The following DDX23 variants were observed in gnomAD, a reference collection of about 807,000 sequenced individuals.
The protein encoded by DDX23 is probable ATP-dependent RNA helicase DDX23.
In DDX23, 33 loss-of-function variants were observed where a neutral mutation model predicts 102.7. The observed-to-expected ratio is 0.32, with a 90% CI of 0.24 to 0.43. The LOEUF is 0.43. Ranked by LOEUF, DDX23 falls within the 20% of genes least tolerant of loss-of-function variation. The pLI is 1.00. For missense variants in DDX23, 549 were observed against 1,086.6 expected, an observed-to-expected ratio of 0.51 and a Z score of 6.96; for synonymous variants, 352 against 376.0, an observed-to-expected ratio of 0.94 and a Z score of 0.74.
At chr12:48,844,156 A>G in intron 2 of DDX23, 106 bp from the exon 3 acceptor site, 1 of 1,016,924 alleles carries the variant, frequency 9.8e-7, no homozygotes, top group African/African-American at 1.6e-5. Context: ...AATGTTTTAC[A>G]AATTAGAGAA....
chr12:48,832,642 C>T lies in DDX23; in HGVS notation c.1804-69G>A, dbSNP rs1053545378. 1.1e-5 allele frequency: 17 copies of T among 1,562,316 alleles called. No homozygotes were observed. In the African/African-American group the frequency reaches 2.2e-4, roughly 20 times the overall value. ...TCATATATCCCACTGTCACCGAAGG[C>T]AGGTCAGCCCAGACTAAAGAATCTA... On this transcript the variant is annotated intron_variant, in intron 13 of 16. Transcript: ENST00000308025. The surrounding 1 kb of genome is among the most constrained non-coding windows in gnomAD (Gnocchi z 4.4).
chr12:48,833,463 C>G lies in DDX23; in HGVS notation c.1617G>C (p.Val539=), dbSNP rs1397353883. Residue 539 remains valine, a synonymous_variant, in exon 13 of 17, where the codon GTG becomes GTC. Coordinates refer to ENST00000308025, the MANE Select transcript of DDX23 (RefSeq NM_004818.3). ...LIDVLENRYL[V]LSRCTYVVLD... The stretch of plus-strand genomic sequence containing the variant: ...GAACCACATAGGTACAGCGGCTCAG[C>G]ACCAGGTAGCGGTTCTCCAGCACAT... 4.3e-6 allele frequency: 7 copies of G among 1,614,172 alleles called. No individual in the cohort carries two copies. Among genetic ancestry groups the G allele is most frequent in the South Asian group, 1.1e-5 (1 of 91,082 alleles).
chr12:48,842,848 A>C (rs1565678443), intron 3 of DDX23, among the ~76,000 whole-genome samples: 1 of 152,198 alleles, frequency 6.6e-6, no homozygotes, highest in Non-Finnish European at 1.5e-5. Context: ...GGTTTTGTGG[A>C]ATAGAAAGGC....
chr12:48,842,166 A>AAGT (rs1565678093), intron 3 of DDX23, among the ~76,000 whole-genome samples: 12 of 148,442 alleles, frequency 8.1e-5, no homozygotes, highest in Non-Finnish European at 1.0e-4. Flanking sequence ...CCCGTCCGGG[A>AAGT]GGGAGGTGGG....
Position 48,830,713 on chromosome 12 carries a change from C to A in DDX23, c.2240-21G>T. The A allele has an allele frequency of 1.3e-6, 2 of 1,585,782 alleles. No individual in the cohort carries two copies. Among genetic ancestry groups the A allele is most frequent in the Middle Eastern group, 1.7e-4 (1 of 5,922 alleles). ...GTAATCTGGGGAATGGGAAGAACGT[C>A]ACTCAGCATAGCCCAGATGCCCTGG... On this transcript the variant is annotated intron_variant, in intron 16 of 16. Coordinates refer to ENST00000308025, the MANE Select transcript of DDX23 (RefSeq NM_004818.3). The surrounding 1 kb of genome is among the most constrained non-coding windows in gnomAD (Gnocchi z 4.9).
chr12:48,849,045 C>T (rs1362108706), intron 1 of DDX23, among the ~76,000 whole-genome samples: 1 of 151,990 alleles, frequency 6.6e-6, no homozygotes, highest in Non-Finnish European at 1.5e-5. Context: ...CCACCATGCC[C>T]GGCCCCAACT....
chr12:48,834,246 T>C, intron 12 of DDX23, 74 bp downstream of exon 12: 1 of 1,440,048 alleles, frequency 6.9e-7, no homozygotes, highest in Non-Finnish European at 9.5e-7. Context: ...TGCACATATA[T>C]TCCAGAAACT....
At chr12:48,851,494 G>GA (rs1200528346) in intron 1 of DDX23, among the ~76,000 whole-genome samples, 2 of 151,424 alleles carry the variant, frequency 1.3e-5, no homozygotes, top group Non-Finnish European at 3.0e-5. Flanking sequence ...GAAAAGAAAA[G>GA]AAAAAAAAGA....
intron 1 of DDX23, 25 bp from the exon 2 acceptor site, chr12:48,845,807 A>T (rs770002144): frequency 6.2e-7 from 1 of 1,610,028 alleles, no homozygotes; most frequent in Non-Finnish European, 8.5e-7. Flanking sequence ...AAGAGTACTT[A>T]CAATGTACTA....
chr12:48,834,112 A>G (rs1938430363), intron 12 of DDX23, among the ~76,000 whole-genome samples: 1 of 152,198 alleles, frequency 6.6e-6, no homozygotes, highest in Admixed American at 6.5e-5. Context: ...TACCACTCTC[A>G]TACATTATTG....
At chr12:48,833,654 G>A (rs529421162) in intron 12 of DDX23, 135 bp from the exon 13 acceptor site, 3 of 1,125,616 alleles carry the variant, frequency 2.7e-6, no homozygotes, top group East Asian at 4.8e-5. Flanking sequence ...ATGTTTAGCA[G>A]TAAAGGCTCC....
chr12:48,849,978 G>A (rs906530460), intron 1 of DDX23, among the ~76,000 whole-genome samples: 3 of 152,218 alleles, frequency 2.0e-5, no homozygotes, highest in Admixed American at 6.5e-5. Context: ...AGCTGGGCAG[G>A]AGTCAGATAA....
At chr12:48,834,135 A>G (rs1938430802) in intron 12 of DDX23, among the ~76,000 whole-genome samples, 185 bp downstream of exon 12, 1 of 152,194 alleles carries the variant, frequency 6.6e-6, no homozygotes, top group Admixed American at 6.5e-5. Context: ...AGAATTAATG[A>G]GCTAATATAT....
At chr12:48,844,901 C>G (rs1370974343) in intron 2 of DDX23, among the ~76,000 whole-genome samples, 1 of 147,382 alleles carries the variant, frequency 6.8e-6, no homozygotes, top group African/African-American at 2.5e-5. Context: ...GCCCGTAATC[C>G]CAGCACTTTG....
chr12:48,835,562 T>C (rs1458945208), intron 11 of DDX23, among the ~76,000 whole-genome samples: 1 of 151,958 alleles, frequency 6.6e-6, no homozygotes, highest in African/African-American at 2.4e-5. Flanking sequence ...ACAAAAAAAT[T>C]AGCCGGGCAT....
chr12:48,834,133 T>C (rs1378060793), intron 12 of DDX23, among the ~76,000 whole-genome samples, 187 bp downstream of exon 12: 1 of 152,214 alleles, frequency 6.6e-6, no homozygotes, highest in Non-Finnish European at 1.5e-5. Flanking sequence ...TGAGAATTAA[T>C]GAGCTAATAT....
At position 48,851,578 on chromosome 12, in the gene DDX23, G is replaced by A. The variant is rs79020083; in HGVS notation, c.-1+506C>T. On this transcript the variant is annotated intron_variant, in intron 1 of 16. Coordinates refer to ENST00000308025, the MANE Select transcript of DDX23 (RefSeq NM_004818.3). ...TGTAGTAATACAGGTGTTCAAAGGC[G>A]TTTCCTTTCACTTGTAAAAGGTGAT... 4.6e-5 allele frequency among the ~76,000 whole-genome samples: 7 copies of A among 152,338 alleles called. No homozygotes were observed. In the East Asian group the frequency reaches 1.3e-3, roughly 29 times the overall value.
intron 5 of DDX23, among the ~76,000 whole-genome samples, chr12:48,838,953 G>A (rs1938504311): frequency 6.6e-6 from 1 of 152,144 alleles, no homozygotes; most frequent in African/African-American, 2.4e-5. Context: ...ATGGCTCACT[G>A]CAGCTTCAAC....
chr12:48,847,746 G>A (rs1414094548), intron 1 of DDX23, among the ~76,000 whole-genome samples: 1 of 152,132 alleles, frequency 6.6e-6, no homozygotes, highest in African/African-American at 2.4e-5. Context: ...AGCCCGGGAG[G>A]CAGAGGCTGC....
Sources: allele counts gnomAD v4.1 joint callset (sites outside exome capture counted in the v4.1 genomes callset), GRCh38; gene constraint gnomAD v4.1.1; non-coding constraint Gnocchi (gnomAD v3.1); transcripts MANE v1.5; gene names NCBI Gene and HGNC (gene_info 2026-07-23, HGNC 2026-07-21).